Variants in LYPD5 observed in about 807,000 individuals in gnomAD.
The protein encoded by LYPD5 is LY6/PLAUR domain containing 5.
A neutral mutation model predicts 19.1 loss-of-function variants in LYPD5; 21 were observed. That is an observed-to-expected ratio of 1.10 (90% confidence interval 0.78 to 1.58). LYPD5 has a LOEUF of 1.58. Among genes scored for constraint, LYPD5 ranks in the 40% most tolerant of loss-of-function variants. The pLI, the probability that LYPD5 is intolerant of heterozygous loss-of-function variation, is 0.00. For missense variants in LYPD5, 287 were observed against 329.8 expected (o/e 0.87, Z 1.00); for synonymous variants, 128 against 142.7 (o/e 0.90, Z 0.74).
upstream of LYPD5, among the ~76,000 whole-genome samples, chr19:43,803,924 G>A (rs1055083395): frequency 5.9e-5 from 9 of 151,956 alleles, no homozygotes; most frequent in Non-Finnish European, 7.4e-5. Context: ...TGCAAGCTCC[G>A]CCTCCCAGGT....
upstream of LYPD5, among the ~76,000 whole-genome samples, chr19:43,804,839 A>C (rs1288108426): frequency 2.0e-5 from 3 of 152,170 alleles, no homozygotes; most frequent in East Asian, 5.8e-4. Context: ...CCCCCGTGGA[A>C]GGTGGAGGCA....
chr19:43,801,037 G>GAAA (rs4027763), intron 1 of LYPD5, among the ~76,000 whole-genome samples: 1 of 132,220 alleles, frequency 7.6e-6, no homozygotes, highest in Non-Finnish European at 1.6e-5. Flanking sequence ...TACATGGAGA[G>GAAA]AAAAAAAAAA....
At chr19:43,800,485 C>T (rs1009095435) in intron 1 of LYPD5, among the ~76,000 whole-genome samples, 2 of 152,122 alleles carry the variant, frequency 1.3e-5, no homozygotes, top group East Asian at 1.9e-4. Context: ...AGACACAAAG[C>T]GTATGTCTGT....
intron 1 of LYPD5, among the ~76,000 whole-genome samples, chr19:43,811,810 G>A (rs761477518): frequency 2.6e-5 from 4 of 152,144 alleles, no homozygotes; most frequent in Admixed American, 1.3e-4. Flanking sequence ...TAGCAATTAT[G>A]TGGATCAAAA....
chr19:43,798,612 A>G lies in LYPD5; in HGVS notation c.371-11T>C, dbSNP rs1422639655. 1.2e-6 allele frequency: 2 copies of G among 1,609,222 alleles called. No individual in the cohort carries two copies. Among genetic ancestry groups the G allele is most frequent in the African/African-American group, 2.7e-5 (2 of 74,690 alleles). On this transcript the variant is annotated splice_polypyrimidine_tract_variant and intron_variant, in intron 3 of 4. Coordinates refer to ENST00000377950, the MANE Select transcript of LYPD5 (RefSeq NM_001031749.3). Reference sequence around the variant, plus strand: ...TCGGCGGGTCGGGTGCTGGCAAGAGAGCGTAGATGCACACTCAGGCAGTGG... The same window carrying G: ...TCGGCGGGTCGGGTGCTGGCAAGAGGGCGTAGATGCACACTCAGGCAGTGG...
chr19:43,815,988 C>T (rs1169728631), intron 1 of LYPD5, among the ~76,000 whole-genome samples: 1 of 152,142 alleles, frequency 6.6e-6, no homozygotes, highest in Non-Finnish European at 1.5e-5. Context: ...CCCGCCTTGG[C>T]CTCCCAAACT....
At chr19:43,814,248 TTA>T (rs1224950055) in intron 1 of LYPD5, among the ~76,000 whole-genome samples, 1 of 152,098 alleles carries the variant, frequency 6.6e-6, no homozygotes, top group Non-Finnish European at 1.5e-5. Flanking sequence ...TCCCAGCACT[TTA>T]TGAGTCTCAG....
intron 1 of LYPD5, among the ~76,000 whole-genome samples, chr19:43,808,804 T>C (rs1010497558): frequency 3.3e-5 from 5 of 152,232 alleles, no homozygotes; most frequent in African/African-American, 1.2e-4. Flanking sequence ...TTGTCCTTGA[T>C]AGACATCGAA....
chr19:43,813,302 G>T lies in LYPD5; in HGVS notation c.-66+7238C>A, dbSNP rs905466288. Among the ~76,000 whole-genome samples the T allele has an allele frequency of 2.0e-5, 3 of 151,916 alleles. No homozygotes were observed. In the East Asian group the frequency reaches 5.8e-4, roughly 29 times the overall value. ...AAGATCTGGTTGTTAAAAAGTCTGG[G>T]AACTCCACCGTCTCTCTCTCGCTCT... On this transcript the variant is annotated intron_variant, in intron 1 of 4. Transcript: ENST00000414615.
chr19:43,812,386 A>G (rs1850273586), intron 1 of LYPD5, among the ~76,000 whole-genome samples: 1 of 87,982 alleles, frequency 1.1e-5, no homozygotes, highest in Admixed American at 1.2e-4. Flanking sequence ...TCAATCTATC[A>G]TCTATCTATC....
At chr19:43,807,001 A>G (rs1478622705), upstream of LYPD5, among the ~76,000 whole-genome samples, 2 of 152,194 alleles carry the variant, frequency 1.3e-5, no homozygotes, top group African/African-American at 4.8e-5. Flanking sequence ...ACCATGTTGT[A>G]TGTAGCATGT....
intron 2 of LYPD5, 33 bp from the exon 3 acceptor site, chr19:43,799,021 C>T: frequency 6.5e-7 from 1 of 1,529,584 alleles, no homozygotes; most frequent in Non-Finnish European, 8.8e-7. Flanking sequence ...TGCTCTGCTT[C>T]CCGAAACCCT....
At chr19:43,804,231 C>T (rs1449231596), upstream of LYPD5, among the ~76,000 whole-genome samples, 1 of 152,130 alleles carries the variant, frequency 6.6e-6, no homozygotes, top group Non-Finnish European at 1.5e-5. Flanking sequence ...TGGGAATTAT[C>T]CCTTTGAAAT....
At chr19:43,806,707 GC>G (rs1166647274), upstream of LYPD5, among the ~76,000 whole-genome samples, 14 of 151,654 alleles carry the variant, frequency 9.2e-5, no homozygotes, top group African/African-American at 3.4e-4. Context: ...CAAGCTCAGG[GC>G]TCTCACTGAT....
intron 1 of LYPD5, among the ~76,000 whole-genome samples, chr19:43,817,027 G>A (rs1164568705): frequency 1.3e-5 from 2 of 152,100 alleles, no homozygotes; most frequent in East Asian, 3.9e-4. Flanking sequence ...ACCCAGTCTT[G>A]GGTATGTCTT....
At chr19:43,805,708 A>C (rs1459469429), upstream of LYPD5, among the ~76,000 whole-genome samples, 1 of 152,080 alleles carries the variant, frequency 6.6e-6, no homozygotes, top group African/African-American at 2.4e-5. Context: ...GGGTTTCACC[A>C]TGTTGGCCAG....
intron 1 of LYPD5, among the ~76,000 whole-genome samples, chr19:43,816,839 A>G (rs1392816647): frequency 6.9e-6 from 1 of 144,260 alleles, no homozygotes; most frequent in Non-Finnish European, 1.5e-5. Context: ...ATAGTGAATA[A>G]GTATTATCAG....
At chr19:43,810,350 T>A (rs1970309570) in intron 1 of LYPD5, among the ~76,000 whole-genome samples, 1 of 152,078 alleles carries the variant, frequency 6.6e-6, no homozygotes, top group South Asian at 2.1e-4. Flanking sequence ...GTCGTGTGTT[T>A]TTTTTAGACA....
intron 1 of LYPD5, among the ~76,000 whole-genome samples, chr19:43,813,332 C>T (rs901970937): frequency 2.0e-5 from 3 of 152,198 alleles, no homozygotes; most frequent in African/African-American, 7.2e-5. Context: ...CGCTCTCTCT[C>T]TTGCCATGTG....
Sources: allele counts gnomAD v4.1 joint callset (sites outside exome capture counted in the v4.1 genomes callset), GRCh38; gene constraint gnomAD v4.1.1; transcripts MANE v1.5; gene names NCBI Gene and HGNC (gene_info 2026-07-23, HGNC 2026-07-21).